The following KCND2 variants were observed in gnomAD, a reference collection of about 807,000 sequenced individuals.
The protein encoded by KCND2 is potassium voltage-gated channel subfamily D member 2, also known as A-type voltage-gated potassium channel KCND2.
A neutral mutation model predicts 54.4 loss-of-function variants in KCND2; 16 were observed. The observed-to-expected ratio is 0.29, with a 90% CI of 0.20 to 0.45. The LOEUF (loss-of-function observed/expected upper bound fraction) is 0.45, where lower values mean the gene tolerates loss of function less well. Among genes scored for constraint, KCND2 ranks in the 20% least tolerant of loss-of-function variants. KCND2 has a pLI of 1.00. For missense variants in KCND2, 486 were observed against 824.2 expected (o/e 0.59, Z 5.02); for synonymous variants, 317 against 310.7 (o/e 1.02, Z -0.21).
chr7:120,468,142 G>C (rs893377275), intron 1 of KCND2, among the ~76,000 whole-genome samples: 6 of 151,918 alleles, frequency 3.9e-5, no homozygotes, highest in Non-Finnish European at 7.4e-5. Flanking sequence ...TTTAGTAATT[G>C]GGATGTGAAA....
intron 1 of KCND2, among the ~76,000 whole-genome samples, chr7:120,449,459 T>C (rs1343544064): frequency 2.0e-5 from 3 of 152,222 alleles, no homozygotes; most frequent in Non-Finnish European, 4.4e-5. Context: ...TTAAGGAGAT[T>C]TTAGATCTAT....
At chr7:120,679,859 T>C (rs1049958046) in intron 1 of KCND2, among the ~76,000 whole-genome samples, 1 of 152,122 alleles carries the variant, frequency 6.6e-6, no homozygotes, top group Non-Finnish European at 1.5e-5. Flanking sequence ...AATTTATTCA[T>C]TTGCTCATTT....
chr7:120,590,519 G>A (rs1038868330), intron 1 of KCND2, among the ~76,000 whole-genome samples: 9 of 152,116 alleles, frequency 5.9e-5, no homozygotes, highest in African/African-American at 1.9e-4. Context: ...TAAGGGATGC[G>A]CTTCCAGGAG....
chr7:120,587,136 TCA>T (rs1004431446), intron 1 of KCND2, among the ~76,000 whole-genome samples: 2 of 152,174 alleles, frequency 1.3e-5, no homozygotes, highest in East Asian at 3.8e-4. Context: ...TAAACATTTT[TCA>T]CAGAGGCAAA....
At chr7:120,518,732 A>C (rs1028373372) in intron 1 of KCND2, among the ~76,000 whole-genome samples, 4 of 152,276 alleles carry the variant, frequency 2.6e-5, no homozygotes, top group Non-Finnish European at 5.9e-5. Context: ...CAACATGATC[A>C]CTTTTTGCCA....
intron 1 of KCND2, among the ~76,000 whole-genome samples, chr7:120,581,219 G>C (rs183248283): frequency 1.6e-4 from 24 of 152,314 alleles, no homozygotes; most frequent in African/African-American, 2.9e-4. Flanking sequence ...AGTGTCAACA[G>C]ACTGCAGATT....
At chr7:120,559,264 A>G (rs1286216419) in intron 1 of KCND2, among the ~76,000 whole-genome samples, 1 of 152,224 alleles carries the variant, frequency 6.6e-6, no homozygotes, top group East Asian at 1.9e-4. Flanking sequence ...GGTGATAACC[A>G]TTTAACTACG....
chr7:120,474,503 A>G (rs1802505396), intron 1 of KCND2, among the ~76,000 whole-genome samples: 1 of 150,394 alleles, frequency 6.6e-6, no homozygotes, highest in South Asian at 2.1e-4. Flanking sequence ...ATGCCCAGCT[A>G]ATTTTCTTTT....
chr7:120,707,550 A>G (rs1033932680), intron 1 of KCND2, among the ~76,000 whole-genome samples: 35 of 152,166 alleles, frequency 2.3e-4, no homozygotes, highest in African/African-American at 7.7e-4. Context: ...ACTAACCTAC[A>G]GTAGTTGTAA....
intron 1 of KCND2, among the ~76,000 whole-genome samples, chr7:120,434,158 T>C (rs1237352193): frequency 6.6e-6 from 1 of 152,184 alleles, no homozygotes; most frequent in Non-Finnish European, 1.5e-5. Context: ...GAAGTAAAAA[T>C]GGGTCCTATA....
chr7:120,479,827 G>A (rs977059116), intron 1 of KCND2, among the ~76,000 whole-genome samples: 1 of 148,498 alleles, frequency 6.7e-6, no homozygotes, highest in Non-Finnish European at 1.5e-5. Context: ...AAATTAGCCT[G>A]GTGTGGTGGC....
chr7:120,551,990 A>G (rs1792110396), intron 1 of KCND2, among the ~76,000 whole-genome samples: 3 of 152,346 alleles, frequency 2.0e-5, no homozygotes, highest in Middle Eastern at 6.8e-3. Context: ...TCAGGCATCA[A>G]GGCATCCCAG....
At chr7:120,477,027 A>G (rs1237896668) in intron 1 of KCND2, among the ~76,000 whole-genome samples, 1 of 152,178 alleles carries the variant, frequency 6.6e-6, no homozygotes, top group Non-Finnish European at 1.5e-5. Flanking sequence ...ACACCAGTGT[A>G]TTTCTCACTT....
At chr7:120,530,067 C>T (rs1219854796) in intron 1 of KCND2, among the ~76,000 whole-genome samples, 1 of 151,894 alleles carries the variant, frequency 6.6e-6, no homozygotes, top group East Asian at 1.9e-4. Flanking sequence ...TAGAGCAAGA[C>T]CTTGTCTCAA....
intron 1 of KCND2, among the ~76,000 whole-genome samples, chr7:120,730,117 A>G (rs1226922855): frequency 1.3e-5 from 2 of 152,208 alleles, no homozygotes; most frequent in Admixed American, 6.5e-5. Flanking sequence ...ATATATTTAT[A>G]TTTTAAAAGG....
chr7:120,496,581 C>T (rs1442897007), intron 1 of KCND2, among the ~76,000 whole-genome samples: 5 of 136,654 alleles, frequency 3.7e-5, no homozygotes, highest in African/African-American at 6.5e-5. Context: ...CCCACCACCA[C>T]GCCTGGCTGC....
At chr7:120,692,376 A>C (rs1343445028) in intron 1 of KCND2, among the ~76,000 whole-genome samples, 1 of 152,172 alleles carries the variant, frequency 6.6e-6, no homozygotes, top group Non-Finnish European at 1.5e-5. Flanking sequence ...ATTCCTTAAT[A>C]CAAACTTTTT....
intron 1 of KCND2, among the ~76,000 whole-genome samples, chr7:120,642,155 C>T (rs984905527): frequency 6.6e-6 from 1 of 152,026 alleles, no homozygotes; most frequent in East Asian, 1.9e-4. Flanking sequence ...ATTTATATCA[C>T]GAATACATCC....
At chr7:120,407,278 GT>G (rs1246654724) in intron 1 of KCND2, among the ~76,000 whole-genome samples, 4 of 151,994 alleles carry the variant, frequency 2.6e-5, no homozygotes, top group Admixed American at 2.6e-4. Flanking sequence ...AGGTGAAGAA[GT>G]TTTATTGGCT....
Sources: gnomAD v4.1 joint callset for allele counts (sites outside exome capture counted in the v4.1 genomes callset) on GRCh38, gnomAD v4.1.1 for gene constraint, MANE v1.5 for transcripts, NCBI Gene and HGNC (gene_info 2026-07-23, HGNC 2026-07-21) for gene names.